SDCCAG8: variants seen among roughly 807,000 people sequenced by gnomAD.
The protein encoded by SDCCAG8 is serologically defined colon cancer antigen 8.
SDCCAG8 carries 74 observed loss-of-function variants against 101.8 expected under a neutral mutation model. The observed-to-expected ratio is 0.73, with a 90% CI of 0.60 to 0.88. The LOEUF is 0.88. Among genes scored for constraint, SDCCAG8 ranks in the 40% least tolerant of loss-of-function variants. The probability of loss-of-function intolerance (pLI) is 0.00; values close to 1 mark genes in which losing one functional copy is unlikely to be tolerated. For missense variants in SDCCAG8, 787 were observed against 822.6 expected (o/e 0.96, Z 0.53); for synonymous variants, 281 against 292.9 (o/e 0.96, Z 0.41).
chr1:243,294,970 T>C (rs543466656), intron 6 of SDCCAG8, among the ~76,000 whole-genome samples: 21 of 152,234 alleles, frequency 1.4e-4, no homozygotes, highest in African/African-American at 4.6e-4. Flanking sequence ...CCACAGATGA[T>C]ATAGTTTTCT....
chr1:243,315,831 G>A (rs1431425797), intron 8 of SDCCAG8, among the ~76,000 whole-genome samples: 1 of 152,172 alleles, frequency 6.6e-6, no homozygotes, highest in Admixed American at 6.6e-5. Context: ...CCGTGGTTTA[G>A]TCTTCAACTC....
At chr1:243,465,255 C>G (rs1269444729) in intron 16 of SDCCAG8, among the ~76,000 whole-genome samples, 1 of 152,190 alleles carries the variant, frequency 6.6e-6, no homozygotes, top group Non-Finnish European at 1.5e-5. Flanking sequence ...TGCCCAACAC[C>G]TCCCATGATA....
chr1:243,270,089 C>T lies in SDCCAG8; in HGVS notation c.68-16C>T. 6.2e-7 allele frequency: 1 copy of T among 1,614,208 alleles called. No homozygotes were observed. The highest frequency in any genetic ancestry group is 8.5e-7 in the Non-Finnish European group (1 of 1,180,034). ...AGACTCCATGGGTCCTAACTTTCGT[C>T]AGGTTGTTCTTGCAGAACATGCCAG... is the stretch of plus-strand genomic sequence containing the variant. On this transcript the variant is annotated splice_polypyrimidine_tract_variant and intron_variant, in intron 1 of 17. Transcript: ENST00000366541.
intron 16 of SDCCAG8, among the ~76,000 whole-genome samples, chr1:243,464,335 T>C (rs768057290): frequency 1.3e-5 from 2 of 152,054 alleles, no homozygotes; most frequent in Non-Finnish European, 2.9e-5. Flanking sequence ...TCATGGGAGG[T>C]CACAACTTGG....
intron 6 of SDCCAG8, among the ~76,000 whole-genome samples, chr1:243,299,574 C>T (rs1187132828): frequency 1.3e-5 from 2 of 151,916 alleles, no homozygotes; most frequent in African/African-American, 2.4e-5. Flanking sequence ...CCACCACACT[C>T]GACTAATTTT....
chr1:243,258,739 A>C (rs182384917), intron 1 of SDCCAG8, among the ~76,000 whole-genome samples: 1 of 152,348 alleles, frequency 6.6e-6, no homozygotes, highest in East Asian at 1.9e-4. Context: ...TCTGTTCCTT[A>C]ATAAACAATG....
At chr1:243,332,907 A>C (rs1402096175) in intron 10 of SDCCAG8, among the ~76,000 whole-genome samples, 1 of 151,868 alleles carries the variant, frequency 6.6e-6, no homozygotes, top group East Asian at 1.9e-4. Context: ...TCTGGAGGTG[A>C]TTATCGTAGT....
In SDCCAG8 at chr1:243,290,198, C is replaced by T. The variant is rs541800929; in HGVS notation, c.547-2893C>T. 2.5e-4 allele frequency among the ~76,000 whole-genome samples: 35 copies of T among 138,206 alleles called. 1 individual carries two copies. The South Asian group carries it at 6.2e-3, about 25-fold the overall frequency. The allele number at this position is 138,206 out of a possible 152,430, so 90.7% of individuals were successfully genotyped here. The stretch of plus-strand genomic sequence containing the variant: ...TTGTTTTCATCCCCTGTCTTACCAC[C>T]GCTCCCGCCCCCCGATCCCCTGCCA... On this transcript the variant is annotated intron_variant, in intron 5 of 17. Transcript: ENST00000366541.
intron 13 of SDCCAG8, among the ~76,000 whole-genome samples, chr1:243,385,029 T>C (rs1261165796): frequency 1.3e-5 from 2 of 152,010 alleles, no homozygotes; most frequent in African/African-American, 4.8e-5. Flanking sequence ...TGAAGGGAGA[T>C]AGAAAGATAA....
At chr1:243,295,046 G>A (rs1233737360) in intron 6 of SDCCAG8, among the ~76,000 whole-genome samples, 1 of 151,918 alleles carries the variant, frequency 6.6e-6, no homozygotes, top group African/African-American at 2.4e-5. Flanking sequence ...ATTCTACTTG[G>A]GAAAGAGTAT....
intron 1 of SDCCAG8, chr1:243,267,308 T>G (rs979316520): frequency 4.4e-6 from 1 of 226,054 alleles, no homozygotes; most frequent in Non-Finnish European, 8.8e-6. Context: ...TCTTTTAAGG[T>G]CCCGGTCACT....
intron 11 of SDCCAG8, 40 bp from the exon 12 acceptor site, chr1:243,344,175 A>AT: frequency 6.5e-7 from 1 of 1,534,652 alleles, no homozygotes; most frequent in African/African-American, 1.4e-5. Context: ...TGCCTGGTAG[A>AT]TTCCAGCAGG....
chr1:243,475,958 C>T (rs1662328684), intron 16 of SDCCAG8: 1 of 985,432 alleles, frequency 1.0e-6, no homozygotes, highest in Non-Finnish European at 1.2e-6. Flanking sequence ...GGCTCCATCT[C>T]GTCTGCTGCT....
At chr1:243,353,260 G>A (rs2147823007) in intron 12 of SDCCAG8, among the ~76,000 whole-genome samples, 1 of 151,934 alleles carries the variant, frequency 6.6e-6, no homozygotes, top group Admixed American at 6.6e-5. Flanking sequence ...AGAGGCTGAG[G>A]CAAGCAGATC....
intron 5 of SDCCAG8, 73 bp from the exon 6 acceptor site, chr1:243,293,018 T>G: frequency 6.5e-7 from 1 of 1,536,180 alleles, no homozygotes; most frequent in South Asian, 1.1e-5. Flanking sequence ...TAAGAATAGG[T>G]ATTTTATTTG....
At chr1:243,261,091 G>A (rs2067159734) in intron 1 of SDCCAG8, among the ~76,000 whole-genome samples, 2 of 152,220 alleles carry the variant, frequency 1.3e-5, no homozygotes, top group African/African-American at 2.4e-5. Flanking sequence ...TAAGGGAAAT[G>A]ATGAGGCTTA....
At chr1:243,330,840 T>G (rs1485720937) in intron 10 of SDCCAG8, 148 bp downstream of exon 10, 1 of 744,280 alleles carries the variant, frequency 1.3e-6, no homozygotes, top group Non-Finnish European at 2.2e-6. Context: ...AATTTAGAAT[T>G]CATAAAAATG....
chr1:243,411,981 C>T (rs749722065), intron 13 of SDCCAG8, among the ~76,000 whole-genome samples: 1 of 152,162 alleles, frequency 6.6e-6, no homozygotes, highest in Non-Finnish European at 1.5e-5. Context: ...TCACCAGGCT[C>T]TCACACCCAG....
At chr1:243,349,344 C>G (rs2075951967) in intron 12 of SDCCAG8, among the ~76,000 whole-genome samples, 1 of 152,196 alleles carries the variant, frequency 6.6e-6, no homozygotes, top group Non-Finnish European at 1.5e-5. Flanking sequence ...TATTAGAACT[C>G]AGCCATACCT....
Sources: gnomAD v4.1 joint callset for allele counts (sites outside exome capture counted in the v4.1 genomes callset) on GRCh38, gnomAD v4.1.1 for gene constraint, MANE v1.5 for transcripts, NCBI Gene and HGNC (gene_info 2026-07-23, HGNC 2026-07-21) for gene names.